MMS22L: variants seen among roughly 807,000 people sequenced by gnomAD.
MMS22L encodes MMS22 like, DNA repair protein.
A neutral mutation model predicts 159.1 loss-of-function variants in MMS22L; 74 were observed. The observed-to-expected ratio is 0.47, with a 90% CI of 0.39 to 0.56. The LOEUF (loss-of-function observed/expected upper bound fraction) is 0.56. Among genes scored for constraint, MMS22L ranks in the 20% least tolerant of loss-of-function variants. The probability of loss-of-function intolerance (pLI) is 0.00; values close to 1 mark genes in which losing one functional copy is unlikely to be tolerated. For missense variants in MMS22L, 1,351 were observed against 1,422.1 expected, an observed-to-expected ratio of 0.95 and a Z score of 0.80; for synonymous variants, 517 against 506.9, an observed-to-expected ratio of 1.02 and a Z score of -0.27.
chr6:97,208,549 G>C (rs1164173901), intron 14 of MMS22L, among the ~76,000 whole-genome samples: 1 of 151,982 alleles, frequency 6.6e-6, no homozygotes, highest in African/African-American at 2.4e-5. Context: ...GGGGAACCTG[G>C]AAACCCTTAA....
intron 14 of MMS22L, among the ~76,000 whole-genome samples, chr6:97,214,933 T>G (rs1171912011): frequency 6.6e-6 from 1 of 150,958 alleles, no homozygotes; most frequent in Non-Finnish European, 1.5e-5. Context: ...ACCAACCCAG[T>G]TGAGGCCCCC....
intron 12 of MMS22L, 83 bp downstream of exon 12, chr6:97,233,778 T>G: frequency 7.1e-7 from 1 of 1,414,086 alleles, no homozygotes; most frequent in Non-Finnish European, 9.4e-7. Flanking sequence ...CCATAACTAT[T>G]CATAATTAAA....
chr6:97,169,709 G>A (rs563947346), intron 19 of MMS22L, among the ~76,000 whole-genome samples: 2 of 152,228 alleles, frequency 1.3e-5, no homozygotes, highest in South Asian at 4.2e-4. Context: ...AGTTGGTGGA[G>A]AATTTCAGTA....
chr6:97,159,719 T>C (rs1279866787), intron 22 of MMS22L, among the ~76,000 whole-genome samples: 1 of 151,958 alleles, frequency 6.6e-6, no homozygotes, highest in African/African-American at 2.4e-5. Context: ...AAGTTGCATA[T>C]ACTATTTATA....
At chr6:97,239,255 G>A (rs1811794693) in intron 11 of MMS22L, among the ~76,000 whole-genome samples, 1 of 152,078 alleles carries the variant, frequency 6.6e-6, no homozygotes, top group Non-Finnish European at 1.5e-5. Flanking sequence ...CCAAATTAAT[G>A]TGTTTAAAAA....
intron 19 of MMS22L, among the ~76,000 whole-genome samples, chr6:97,169,488 G>A (rs1174952199): frequency 2.0e-5 from 3 of 151,934 alleles, no homozygotes; most frequent in Non-Finnish European, 4.4e-5. Flanking sequence ...ATCAAATAAA[G>A]AGTTTAAAAT....
intron 13 of MMS22L, 90 bp from the exon 14 acceptor site, chr6:97,229,493 C>T: frequency 1.1e-6 from 1 of 884,526 alleles, no homozygotes; most frequent in Non-Finnish European, 1.6e-6. Context: ...ATACTCATAA[C>T]AATCTCATTA....
chr6:97,255,879 C>A (rs1241141175), intron 9 of MMS22L, among the ~76,000 whole-genome samples: 1 of 152,048 alleles, frequency 6.6e-6, no homozygotes, highest in Admixed American at 6.6e-5. Flanking sequence ...CACTATAAAA[C>A]AACTTAATGC....
chr6:97,236,450 C>T (rs1262061629), intron 11 of MMS22L, among the ~76,000 whole-genome samples: 1 of 151,786 alleles, frequency 6.6e-6, no homozygotes, highest in Admixed American at 6.6e-5. Context: ...AGTCAATCAT[C>T]TTAGTAAAAA....
intron 14 of MMS22L, among the ~76,000 whole-genome samples, chr6:97,204,365 A>T (rs893035009): frequency 6.6e-6 from 1 of 152,234 alleles, no homozygotes; most frequent in African/African-American, 2.4e-5. Context: ...TTAAGATAAC[A>T]TTAACTGGAT....
At chr6:97,264,627 G>A (rs1260409611) in intron 8 of MMS22L, 2 of 151,972 alleles carry the variant, frequency 1.3e-5, no homozygotes, top group African/African-American at 2.4e-5. Flanking sequence ...TAGATAACAT[G>A]ATCTTTTATA....
At chr6:97,152,365 T>C (rs1285854598) in intron 22 of MMS22L, among the ~76,000 whole-genome samples, 1 of 152,146 alleles carries the variant, frequency 6.6e-6, no homozygotes, top group South Asian at 2.1e-4. Context: ...TTTGTGATGC[T>C]ATCTTCCTTT....
At chr6:97,243,889 G>A (rs541403211) in intron 11 of MMS22L, among the ~76,000 whole-genome samples, 1 of 152,082 alleles carries the variant, frequency 6.6e-6, no homozygotes, top group East Asian at 1.9e-4. Context: ...GGGGTGGGGG[G>A]TGTCTGCAAA....
rs1816837750 is a variant in MMS22L, at chr6:97,282,426, C to T, written c.52G>A (p.Glu18Lys). ...GGTTTGCACCATTCCGTCCCCAGCT[C>T]CAGCTCTAAGCTGTCAGTCAGGAAC... ...STFLTDSLEL[E>K]LGTEWCKPPY... The change falls in exon 2 of 25, where the codon GAG (glutamate) becomes AAG (lysine). Residue 18 changes from glutamate to lysine, a missense_variant. Coordinates refer to ENST00000683635, the MANE Select transcript of MMS22L (RefSeq NM_001350599.2). 1.2e-6 allele frequency: 2 copies of T among 1,613,978 alleles called. No homozygotes were observed. Among genetic ancestry groups the T allele is most frequent in the African/African-American group, 2.7e-5 (2 of 74,896 alleles).
intron 6 of MMS22L, chr6:97,272,372 T>G (rs1023351048): frequency 5.8e-6 from 1 of 172,102 alleles, no homozygotes; most frequent in Non-Finnish European, 1.2e-5. Flanking sequence ...TTATTTCATT[T>G]GCTTTAAAAT....
intron 9 of MMS22L, among the ~76,000 whole-genome samples, chr6:97,255,070 T>G (rs752020305): frequency 1.3e-5 from 2 of 152,114 alleles, no homozygotes; most frequent in Non-Finnish European, 2.9e-5. Flanking sequence ...TTTAAATGCA[T>G]GTCTGTATTC....
chr6:97,273,040 G>A lies in MMS22L; in HGVS notation c.363C>T (p.Cys121=). 6.2e-7 allele frequency: 1 copy of A among 1,611,700 alleles called. No individual in the cohort carries two copies. The highest frequency in any genetic ancestry group is 8.5e-7 in the Non-Finnish European group (1 of 1,179,520). ...ACTGCTGCCTAATATTGTCTGCTTT[G>A]CAGTGTAGAGTTGATACCTTCCCTG... ...CDFGKVSTLH[C]KADNIRQQCV... The change falls in exon 5 of 25, where the codon TGC becomes TGT. Residue 121 remains cysteine, a synonymous_variant. Transcript: ENST00000683635.
At chr6:97,258,762 C>T (rs1303496540) in intron 9 of MMS22L, 1 of 152,144 alleles carries the variant, frequency 6.6e-6, no homozygotes, top group Non-Finnish European at 1.5e-5. Flanking sequence ...AACAAATCTC[C>T]TAAGTATTTA....
At chr6:97,153,221 G>T (rs114450758) in intron 22 of MMS22L, among the ~76,000 whole-genome samples, 1 of 151,792 alleles carries the variant, frequency 6.6e-6, no homozygotes. Context: ...TATACTGTTC[G>T]ATGGCTTTTA....
Sources: allele counts gnomAD v4.1 joint callset (sites outside exome capture counted in the v4.1 genomes callset), GRCh38; gene constraint gnomAD v4.1.1; transcripts MANE v1.5; gene names NCBI Gene and HGNC (gene_info 2026-07-23, HGNC 2026-07-21).